NRG3: variants seen among roughly 807,000 people sequenced by gnomAD.
NRG3 encodes the protein neuregulin 3.
Under a neutral mutation model 66.9 loss-of-function variants are expected in NRG3, and 31 were observed. The ratio of observed to expected loss-of-function variants is 0.46; its 90% CI spans 0.35 to 0.63. The LOEUF is 0.63. Ranked by LOEUF, NRG3 falls within the 20% of genes least tolerant of loss-of-function variation. The probability of loss-of-function intolerance (pLI) is 0.00; values close to 1 mark genes in which losing one functional copy is unlikely to be tolerated. For missense variants in NRG3, 910 were observed against 878.9 expected (o/e 1.04, Z -0.45); for synonymous variants, 393 against 359.4 (o/e 1.09, Z -1.06).
rs149845022 is a variant in NRG3, at chr10:82,861,148, C to CTG, written c.1028-4247_1028-4246dup. Among the ~76,000 whole-genome samples the CTG allele has an allele frequency of 8.5e-3, 1,274 of 149,398 alleles. 14 individuals carry two copies. The highest frequency in any genetic ancestry group is 0.025 in the African/African-American group (1,032 of 40,822). On this transcript the variant is annotated intron_variant, in intron 3 of 8. Transcript: ENST00000372141. ...GATGGAAGCATGTATGTGTGTGTGT[C>CTG]TGTGTGTGTGTGTGTGTATTCATGA...
At chr10:82,317,159 C>T (rs957032738) in intron 1 of NRG3, among the ~76,000 whole-genome samples, 12 of 151,086 alleles carry the variant, frequency 7.9e-5, no homozygotes, top group African/African-American at 2.9e-4. Context: ...AGTGAGATTA[C>T]AGAAGACAGA....
chr10:81,950,089 G>T (rs1849209119), intron 1 of NRG3, among the ~76,000 whole-genome samples: 1 of 152,174 alleles, frequency 6.6e-6, no homozygotes, highest in African/African-American at 2.4e-5. Flanking sequence ...AATGTGCCAA[G>T]TTCTTAGAAG....
intron 1 of NRG3, among the ~76,000 whole-genome samples, chr10:81,887,034 T>C (rs1009580540): frequency 2.6e-5 from 4 of 152,196 alleles, no homozygotes; most frequent in African/African-American, 9.6e-5. Flanking sequence ...GAAGTTGTTA[T>C]ACTTTTGAAA....
intron 2 of NRG3, among the ~76,000 whole-genome samples, chr10:82,419,598 C>A (rs922899549): frequency 3.9e-5 from 6 of 152,092 alleles, no homozygotes; most frequent in African/African-American, 7.2e-5. Flanking sequence ...ATGGAGTATT[C>A]TTTCATTGCA....
intron 2 of NRG3, among the ~76,000 whole-genome samples, chr10:82,724,304 G>A (rs557153570): frequency 5.8e-4 from 88 of 151,398 alleles, no homozygotes; most frequent in Non-Finnish European, 7.8e-4. Context: ...CTTTCCATTC[G>A]GTCCAAAGCT....
chr10:82,105,891 C>T (rs1381727659), intron 1 of NRG3, among the ~76,000 whole-genome samples: 1 of 152,070 alleles, frequency 6.6e-6, no homozygotes, highest in Admixed American at 6.5e-5. Context: ...CCAAGACACA[C>T]TGCTCGGTAT....
intron 1 of NRG3, among the ~76,000 whole-genome samples, chr10:82,118,827 T>A (rs1277941366): frequency 6.6e-6 from 1 of 152,116 alleles, no homozygotes; most frequent in African/African-American, 2.4e-5. Flanking sequence ...TGACTCCTGA[T>A]GAGCCTTTTC....
chr10:82,600,360 C>G (rs150270555), intron 2 of NRG3, among the ~76,000 whole-genome samples: 147 of 152,268 alleles, frequency 9.7e-4, no homozygotes, highest in African/African-American at 3.3e-3. Context: ...TTTCCTTACC[C>G]TATTTCAAAC....
chr10:82,773,703 C>T (rs1189057442), intron 3 of NRG3, among the ~76,000 whole-genome samples: 1 of 151,788 alleles, frequency 6.6e-6, no homozygotes. Context: ...AATTAATTTT[C>T]TTATCTTATA....
chr10:82,121,990 A>G (rs75549040), intron 1 of NRG3, among the ~76,000 whole-genome samples: 1 of 152,030 alleles, frequency 6.6e-6, no homozygotes, highest in Admixed American at 6.6e-5. Context: ...CCAAGCAGGA[A>G]TATATGTTTT....
chr10:82,918,000 ATG>A (rs879335495), intron 4 of NRG3, among the ~76,000 whole-genome samples: 2,021 of 125,494 alleles, frequency 0.016, 28 homozygotes, highest in Middle Eastern at 0.049. Flanking sequence ...ATATGTATGT[ATG>A]TATCTCTCTC....
At chr10:82,253,609 G>T (rs1469863288) in intron 1 of NRG3, among the ~76,000 whole-genome samples, 1 of 152,060 alleles carries the variant, frequency 6.6e-6, no homozygotes, top group East Asian at 1.9e-4. Context: ...TTACTCAAAA[G>T]CACAAATATT....
intron 1 of NRG3, chr10:82,229,111 C>A (rs1186112480): frequency 1.3e-5 from 2 of 152,156 alleles, no homozygotes; most frequent in African/African-American, 2.4e-5. Flanking sequence ...CCACTCTGAC[C>A]CTCCTCCCAT....
At chr10:82,746,902 G>A (rs2134875214) in intron 3 of NRG3, among the ~76,000 whole-genome samples, 1 of 152,182 alleles carries the variant, frequency 6.6e-6, no homozygotes, top group South Asian at 2.1e-4. Flanking sequence ...AGCATAGGAA[G>A]ACCTTGTTTC....
intron 1 of NRG3, among the ~76,000 whole-genome samples, chr10:81,896,251 G>A (rs916704558): frequency 3.9e-5 from 6 of 152,078 alleles, no homozygotes; most frequent in African/African-American, 1.4e-4. Flanking sequence ...TGCTCAGTTT[G>A]AAACTGAGTT....
intron 3 of NRG3, among the ~76,000 whole-genome samples, chr10:82,755,637 A>G (rs17100743): frequency 0.022 from 3,275 of 152,216 alleles, 120 homozygotes; most frequent in African/African-American, 0.074. Context: ...TCTTCCAACC[A>G]AAGGAAATTT....
chr10:82,690,212 A>G (rs1459375032), intron 2 of NRG3, among the ~76,000 whole-genome samples: 1 of 152,186 alleles, frequency 6.6e-6, no homozygotes. Context: ...CTATATGAAG[A>G]ATCTCATATA....
chr10:82,288,600 T>A (rs956956861), intron 1 of NRG3, among the ~76,000 whole-genome samples: 6 of 152,106 alleles, frequency 3.9e-5, no homozygotes, highest in Non-Finnish European at 1.5e-5. Context: ...AGGCAAGGTA[T>A]GCCTACCACA....
At chr10:82,037,899 T>C (rs2062860247) in intron 1 of NRG3, among the ~76,000 whole-genome samples, 1 of 151,726 alleles carries the variant, frequency 6.6e-6, no homozygotes, top group Non-Finnish European at 1.5e-5. Context: ...TTCGTAAGGG[T>C]TGGGTCTCTG....
Sources: allele counts gnomAD v4.1 joint callset (sites outside exome capture counted in the v4.1 genomes callset), GRCh38; gene constraint gnomAD v4.1.1; transcripts MANE v1.5; gene names NCBI Gene and HGNC (gene_info 2026-07-23, HGNC 2026-07-21).